PKP2: variants seen among roughly 807,000 people sequenced by gnomAD.
PKP2 encodes plakophilin 2, also known as plakophilin-2.
A neutral mutation model predicts 83.4 loss-of-function variants in PKP2; 73 were observed. The ratio of observed to expected loss-of-function variants is 0.88; its 90% CI spans 0.72 to 1.06. PKP2 has a LOEUF of 1.06. PKP2 is among the 50% of genes least tolerant of loss of function. PKP2 has a pLI of 0.00. For missense variants in PKP2, 966 were observed against 1,065.4 expected (o/e 0.91, Z 1.30); for synonymous variants, 409 against 430.4 (o/e 0.95, Z 0.62).
chr12:32,880,227 C>T (rs915096575), intron 1 of PKP2, among the ~76,000 whole-genome samples: 5 of 151,678 alleles, frequency 3.3e-5, no homozygotes, highest in Non-Finnish European at 7.4e-5. Flanking sequence ...ATGGTGAAAC[C>T]GGTCTCTCCT....
chr12:32,834,810 G>A (rs188187703), intron 6 of PKP2, among the ~76,000 whole-genome samples: 122 of 152,118 alleles, frequency 8.0e-4, no homozygotes, highest in Non-Finnish European at 1.3e-3. Context: ...GACTTCTCCC[G>A]AATAATAAAC....
chr12:32,856,536 A>T (rs1956749267), intron 4 of PKP2, among the ~76,000 whole-genome samples: 1 of 152,126 alleles, frequency 6.6e-6, no homozygotes, highest in South Asian at 2.1e-4. Flanking sequence ...TCTCACTCAT[A>T]GGTGGGAACT....
chr12:32,865,692 A>AAAAAAAAAAAAAAG (rs1480156349), intron 4 of PKP2, among the ~76,000 whole-genome samples: 1 of 151,554 alleles, frequency 6.6e-6, no homozygotes, highest in African/African-American at 2.4e-5. Flanking sequence ...AAAAAAAAAA[A>AAAAAAAAAAAAAAG]GACAAATAGA....
chr12:32,840,978 C>G, intron 6 of PKP2, 50 bp downstream of exon 6: 1 of 1,417,954 alleles, frequency 7.1e-7, no homozygotes, highest in Non-Finnish European at 1.0e-6. Flanking sequence ...CTTGGGGCTA[C>G]CTAATTTTTT....
At chr12:32,822,334 G>A (rs1956387711) in intron 8 of PKP2, 133 bp downstream of exon 8, 4 of 758,818 alleles carry the variant, frequency 5.3e-6, no homozygotes, top group Non-Finnish European at 9.1e-6. Flanking sequence ...CACTTCAAAA[G>A]GTTGATGTAA....
chr12:32,802,055 C>T (rs998398116), intron 10 of PKP2, among the ~76,000 whole-genome samples: 3 of 152,022 alleles, frequency 2.0e-5, no homozygotes, highest in Admixed American at 1.3e-4. Flanking sequence ...TTCTGAAAGA[C>T]AACTATATGG....
At chr12:32,819,970 G>T (rs976598960) in intron 9 of PKP2, among the ~76,000 whole-genome samples, 2 of 151,260 alleles carry the variant, frequency 1.3e-5, no homozygotes, top group African/African-American at 4.9e-5. Flanking sequence ...AAGAGAAATG[G>T]TTTTGGGAAA....
chr12:32,826,092 C>T (rs1956437705), intron 6 of PKP2, among the ~76,000 whole-genome samples: 1 of 151,856 alleles, frequency 6.6e-6, no homozygotes, highest in Non-Finnish European at 1.5e-5. Flanking sequence ...ATCATGAGGT[C>T]AGGAGATCAA....
intron 6 of PKP2, among the ~76,000 whole-genome samples, chr12:32,840,618 T>C (rs1443068201): frequency 6.6e-6 from 1 of 152,172 alleles, no homozygotes; most frequent in Non-Finnish European, 1.5e-5. Context: ...CTTATTCATC[T>C]TTGTATAGCC....
intron 9 of PKP2, among the ~76,000 whole-genome samples, chr12:32,813,813 A>G (rs2137753612): frequency 6.6e-6 from 1 of 152,124 alleles, no homozygotes; most frequent in South Asian, 2.1e-4. Flanking sequence ...GGAAGAAAAC[A>G]TGTAATTGTT....
chr12:32,829,709 G>A (rs1000454954), intron 6 of PKP2, among the ~76,000 whole-genome samples: 1 of 151,876 alleles, frequency 6.6e-6, no homozygotes, highest in Non-Finnish European at 1.5e-5. Context: ...TGCCCAGGCT[G>A]GAGTGCAGTG....
chr12:32,846,745 C>CAAAAA lies in PKP2; in HGVS notation c.1378+4016_1378+4020dup, dbSNP rs574053559. Among the ~76,000 whole-genome samples, 36 of 74,878 alleles carry CAAAAA rather than the reference C, an allele frequency of 4.8e-4. 2 individuals are homozygous for CAAAAA. The highest frequency in any genetic ancestry group is 2.1e-3 in the South Asian group (5 of 2,338). The allele number at this position is 74,878 out of a possible 152,430, so 49.1% of individuals were successfully genotyped here. A position where few individuals can be genotyped will look rare whatever the true frequency, so the allele number is the denominator to read the frequency against. On this transcript the variant is annotated intron_variant, in intron 5 of 12. Transcript: ENST00000340811. ...GGGTAACAAGAATGAAACTTCTTCT[C>CAAAAA]AAAAAAAAAAAAAAAAAAGAAGAGA...
At chr12:32,804,505 T>C (rs1286646787) in intron 9 of PKP2, among the ~76,000 whole-genome samples, 2 of 152,180 alleles carry the variant, frequency 1.3e-5, no homozygotes, top group Non-Finnish European at 2.9e-5. Context: ...CAAGTATCCA[T>C]GTGTTCCCAT....
intron 5 of PKP2, among the ~76,000 whole-genome samples, chr12:32,847,529 C>T (rs989802015): frequency 6.6e-6 from 1 of 151,544 alleles, no homozygotes; most frequent in Non-Finnish European, 1.5e-5. Context: ...GTTCCCTTGA[C>T]ACACACACAC....
At position 32,824,057 on chromosome 12, in the gene PKP2, C is replaced by T; in HGVS notation, c.1662G>A (p.Gln554=). The T allele has an allele frequency of 6.4e-7, 1 of 1,570,956 alleles. No homozygotes were observed. The highest frequency in any genetic ancestry group is 8.8e-7 in the Non-Finnish European group (1 of 1,141,118). Residue 554 remains glutamine, a synonymous_variant, in exon 7 of 13, where the codon CAG becomes CAA. Transcript: ENST00000340811. ...HYVRGTIADY[Q]PDDKATENCV... ...TCTCTTGAATTACCTTGTCATCTGG[C>T]TGGTAATCTGCAATGGTTCCTCTGA...
chr12:32,811,492 A>G (rs1956276822), intron 9 of PKP2, among the ~76,000 whole-genome samples: 1 of 152,196 alleles, frequency 6.6e-6, no homozygotes, highest in Admixed American at 6.5e-5. Flanking sequence ...TTAAAAATGT[A>G]ATGCTGTGTC....
chr12:32,792,882 G>T, intron 11 of PKP2, 151 bp from the exon 12 acceptor site: 1 of 710,450 alleles, frequency 1.4e-6, no homozygotes. Flanking sequence ...AGACAATTAG[G>T]CAGCAAGCTC....
At chr12:32,872,741 C>G (rs1327960728) in intron 3 of PKP2, among the ~76,000 whole-genome samples, 1 of 152,048 alleles carries the variant, frequency 6.6e-6, no homozygotes, top group Non-Finnish European at 1.5e-5. Flanking sequence ...AAATGCAAAT[C>G]CCCACAAATA....
chr12:32,848,148 C>G (rs904155592), intron 5 of PKP2, among the ~76,000 whole-genome samples: 2 of 152,154 alleles, frequency 1.3e-5, no homozygotes, highest in Admixed American at 1.3e-4. Context: ...ACTGGTAGGG[C>G]GCGGTGGCTC....
Sources: allele counts gnomAD v4.1 joint callset (sites outside exome capture counted in the v4.1 genomes callset), GRCh38; gene constraint gnomAD v4.1.1; transcripts MANE v1.5; gene names NCBI Gene and HGNC (gene_info 2026-07-23, HGNC 2026-07-21).